The following TPST1 variants were observed in gnomAD, a reference collection of about 807,000 sequenced individuals.
TPST1 encodes the protein tyrosylprotein sulfotransferase 1.
In TPST1, 20 loss-of-function variants were observed where a neutral mutation model predicts 34.8. The observed-to-expected ratio is 0.57, with a 90% CI of 0.40 to 0.84. TPST1 has a LOEUF of 0.84. TPST1 is among the 40% of genes least tolerant of loss of function. TPST1 has a pLI of 0.00. For missense variants in TPST1, 353 were observed against 455.5 expected, an observed-to-expected ratio of 0.78 and a Z score of 2.05; for synonymous variants, 152 against 159.4, an observed-to-expected ratio of 0.95 and a Z score of 0.35.
intron 3 of TPST1, among the ~76,000 whole-genome samples, chr7:66,311,344 AC>A (rs1791528373): frequency 6.6e-6 from 1 of 151,862 alleles, no homozygotes; most frequent in Non-Finnish European, 1.5e-5. Context: ...TCACCATATT[AC>A]CCAGGCTGGC....
At chr7:66,342,410 C>G (rs1033075465) in intron 3 of TPST1, among the ~76,000 whole-genome samples, 2 of 152,194 alleles carry the variant, frequency 1.3e-5, no homozygotes, top group Admixed American at 6.5e-5. Flanking sequence ...AGCCGTAGCA[C>G]TCCTTAGCAA....
chr7:66,336,218 G>A (rs1346933074), intron 3 of TPST1, among the ~76,000 whole-genome samples: 1 of 152,050 alleles, frequency 6.6e-6, no homozygotes, highest in East Asian at 1.9e-4. Flanking sequence ...GCTGAGGCAG[G>A]AGAATGGTGT....
At chr7:66,315,902 G>T (rs150926950) in intron 3 of TPST1, among the ~76,000 whole-genome samples, 16 of 152,252 alleles carry the variant, frequency 1.1e-4, no homozygotes, top group Admixed American at 3.3e-4. Flanking sequence ...CCTGAGGTCT[G>T]GAGTTCGAGA....
Position 66,240,949 on chromosome 7 carries a change from C to G in TPST1, c.524C>G (p.Pro175Arg), listed in dbSNP as rs143527303. ...TTAACTTACCTTTCTAGGTTATTCC[C>G]CAATGCCAAATTTCTCCTGATGGTC... ...KSLTYLSRLF[P>R]NAKFLLMVRD... The change falls in exon 2 of 6, where the codon CCC (proline) becomes CGC (arginine). Residue 175 changes from proline to arginine, a missense_variant. Pro to Arg is a moderately radical substitution (Grantham distance 103). Transcript: ENST00000304842. 2 of 1,614,178 alleles carry G rather than the reference C, an allele frequency of 1.2e-6. No homozygotes were observed. The highest frequency in any genetic ancestry group is 1.1e-5 in the South Asian group (1 of 91,086).
chr7:66,357,004 G>A (rs1294937680), intron 5 of TPST1, 133 bp downstream of exon 5: 3 of 767,204 alleles, frequency 3.9e-6, no homozygotes, highest in African/African-American at 3.5e-5. Flanking sequence ...TTCACTTTCT[G>A]TGTGGAAGCA....
At chr7:66,202,452 C>T (rs938793939), upstream of TPST1, among the ~76,000 whole-genome samples, 11 of 152,260 alleles carry the variant, frequency 7.2e-5, no homozygotes, top group South Asian at 4.1e-4. Flanking sequence ...CAGTTTAATA[C>T]GTGCTAGGAG....
At chr7:66,299,333 TG>T (rs1373407624) in intron 3 of TPST1, among the ~76,000 whole-genome samples, 27 of 151,324 alleles carry the variant, frequency 1.8e-4, no homozygotes, top group East Asian at 5.8e-4. Flanking sequence ...AAAATGTGTT[TG>T]TTTTTTTTTT....
At chr7:66,215,526 C>T (rs1789378555) in intron 1 of TPST1, among the ~76,000 whole-genome samples, 1 of 151,094 alleles carries the variant, frequency 6.6e-6, no homozygotes, top group South Asian at 2.1e-4. Context: ...AGGTGCCTGC[C>T]ACCACGCCCA....
chr7:66,301,441 G>A (rs1450245973), intron 3 of TPST1, among the ~76,000 whole-genome samples: 1 of 152,174 alleles, frequency 6.6e-6, no homozygotes, highest in Non-Finnish European at 1.5e-5. Flanking sequence ...CTTTTCCTTT[G>A]TATTCACAAC....
At chr7:66,267,374 A>G (rs969308034) in intron 2 of TPST1, among the ~76,000 whole-genome samples, 2 of 152,200 alleles carry the variant, frequency 1.3e-5, no homozygotes, top group Non-Finnish European at 2.9e-5. Flanking sequence ...GGAGGACCAG[A>G]GCAGGATGAG....
At chr7:66,208,508 G>T (rs1789178394) in intron 1 of TPST1, among the ~76,000 whole-genome samples, 1 of 151,632 alleles carries the variant, frequency 6.6e-6, no homozygotes, top group South Asian at 2.1e-4. Context: ...TTGGTCTGTT[G>T]CCCAGGCTGG....
At chr7:66,304,286 C>T (rs1791378820) in intron 3 of TPST1, among the ~76,000 whole-genome samples, 1 of 152,154 alleles carries the variant, frequency 6.6e-6, no homozygotes, top group Non-Finnish European at 1.5e-5. Flanking sequence ...AACTGCCTCT[C>T]GCTGCCAAAG....
chr7:66,210,164 T>C lies in TPST1; in HGVS notation c.-102+4642T>C, dbSNP rs1789213869. On this transcript the variant is annotated intron_variant, in intron 1 of 5. Coordinates refer to ENST00000304842, the MANE Select transcript of TPST1 (RefSeq NM_003596.4). ...GAGTAAGGAGAACTGGTTAGGTGTA[T>C]AGGTGAGAGAGAGGGAGAAGGAAGG... 7.2e-5 allele frequency among the ~76,000 whole-genome samples: 11 copies of C among 152,044 alleles called. 1 individual carries two copies. Among genetic ancestry groups the C allele is most frequent in the Admixed American group, 7.2e-4 (11 of 15,256 alleles).
intron 3 of TPST1, among the ~76,000 whole-genome samples, chr7:66,346,073 A>G (rs1240829086): frequency 6.6e-6 from 1 of 151,990 alleles, no homozygotes; most frequent in African/African-American, 2.4e-5. Context: ...AAGTGAGAAC[A>G]TGTAAAGTTT....
At chr7:66,284,943 C>T (rs1221068138) in intron 2 of TPST1, among the ~76,000 whole-genome samples, 1 of 152,036 alleles carries the variant, frequency 6.6e-6, no homozygotes, top group Non-Finnish European at 1.5e-5. Context: ...TCTGATTTTC[C>T]TGACCCCACT....
At chr7:66,267,444 TA>T (rs555947240) in intron 2 of TPST1, among the ~76,000 whole-genome samples, 104 of 143,544 alleles carry the variant, frequency 7.2e-4, no homozygotes, top group South Asian at 1.5e-3. Flanking sequence ...TTGTAGGCCA[TA>T]AAAAAAAAAA....
At chr7:66,244,314 TAA>T (rs1232948439) in intron 2 of TPST1, among the ~76,000 whole-genome samples, 1 of 152,210 alleles carries the variant, frequency 6.6e-6, no homozygotes, top group Non-Finnish European at 1.5e-5. Context: ...TTACAATACT[TAA>T]ATATTTAGGC....
intron 3 of TPST1, 85 bp from the exon 4 acceptor site, chr7:66,352,420 C>T (rs191789821): frequency 1.5e-5 from 24 of 1,549,654 alleles, no homozygotes; most frequent in East Asian, 4.6e-5. Context: ...GCAGTAAACC[C>T]GGCCACGGTC....
intron 3 of TPST1, among the ~76,000 whole-genome samples, chr7:66,294,610 T>C (rs1791155138): frequency 6.6e-6 from 1 of 151,916 alleles, no homozygotes; most frequent in Non-Finnish European, 1.5e-5. Context: ...TATATATATA[T>C]AAATATTTCC....
Sources: allele counts gnomAD v4.1 joint callset (sites outside exome capture counted in the v4.1 genomes callset), GRCh38; gene constraint gnomAD v4.1.1; transcripts MANE v1.5; gene names NCBI Gene and HGNC (gene_info 2026-07-23, HGNC 2026-07-21).